STXBP4: variants seen among roughly 807,000 people sequenced by gnomAD.
STXBP4 encodes the protein syntaxin-binding protein 4.
STXBP4 carries 55 observed loss-of-function variants against 76.1 expected under a neutral mutation model. That is an observed-to-expected ratio of 0.72 (90% CI 0.58 to 0.91). The LOEUF is 0.91. Among genes scored for constraint, STXBP4 ranks in the 40% least tolerant of loss-of-function variants. STXBP4 has a pLI of 0.00. For synonymous variants in STXBP4, 201 were observed against 220.2 expected (o/e 0.91, Z 0.77); for missense variants, 618 against 636.9 (o/e 0.97, Z 0.32).
chr17:55,044,235 TA>T (rs2078753985), intron 11 of STXBP4: 2 of 152,098 alleles, frequency 1.3e-5, no homozygotes, highest in Admixed American at 6.6e-5. Flanking sequence ...TATAGAAAGC[TA>T]TATTTTCCAA....
intron 16 of STXBP4, among the ~76,000 whole-genome samples, chr17:55,112,293 T>C (rs778055022): frequency 3.3e-5 from 5 of 152,172 alleles, no homozygotes; most frequent in Non-Finnish European, 5.9e-5. Context: ...TTCTTGATCT[T>C]ATTTTTCTAA....
the STXBP4 span, among the ~76,000 whole-genome samples, chr17:55,200,407 A>G: frequency 6.6e-6 from 1 of 152,230 alleles, no homozygotes; most frequent in Non-Finnish European, 1.5e-5. Flanking sequence ...GGAAGTGGAA[A>G]CTTTCAAGGG....
At chr17:55,026,382 C>G (rs1385938176) in intron 8 of STXBP4, among the ~76,000 whole-genome samples, 1 of 152,112 alleles carries the variant, frequency 6.6e-6, no homozygotes, top group Non-Finnish European at 1.5e-5. Flanking sequence ...TATTAGCATG[C>G]CTGTCCTCCT....
At chr17:55,210,602 A>G in the STXBP4 span, among the ~76,000 whole-genome samples, 3 of 152,246 alleles carry the variant, frequency 2.0e-5, no homozygotes, top group Admixed American at 6.5e-5. Context: ...GTATAAAATC[A>G]TAAAATTAGA....
intron 10 of STXBP4, among the ~76,000 whole-genome samples, chr17:55,034,984 T>C (rs2078573335): frequency 6.6e-6 from 1 of 152,056 alleles, no homozygotes; most frequent in African/African-American, 2.4e-5. Flanking sequence ...ATTTATGTTC[T>C]ATATAATTTG....
Position 54,999,747 on chromosome 17 carries a change from T to C in STXBP4, c.403T>C (p.Ser135Pro). The C allele has an allele frequency of 6.2e-7, 1 of 1,613,666 alleles. No homozygotes were observed. Among genetic ancestry groups the C allele is most frequent in the Non-Finnish European group, 8.5e-7 (1 of 1,179,760 alleles). Residue 135 changes from serine (S) to proline (P), a missense_variant, in exon 6 of 18, where the codon TCA becomes CCA. Transcript: ENST00000376352. ...EASGEYGPQA[S>P]TLSLFSSPPE... Reference sequence around the variant, plus strand: ...TTCAGGAGAATATGGACCTCAAGCCTCAACATTAAGTCTTTTTTCTTCTCC... The same window carrying C: ...TTCAGGAGAATATGGACCTCAAGCCCCAACATTAAGTCTTTTTTCTTCTCC...
At chr17:55,021,867 T>G (rs1421207011) in intron 8 of STXBP4, among the ~76,000 whole-genome samples, 1 of 152,196 alleles carries the variant, frequency 6.6e-6, no homozygotes, top group East Asian at 1.9e-4. Flanking sequence ...TCACAATATG[T>G]ATCAAAATTT....
intron 11 of STXBP4, among the ~76,000 whole-genome samples, chr17:55,045,732 C>T (rs1177509616): frequency 6.6e-6 from 1 of 151,986 alleles, no homozygotes; most frequent in African/African-American, 2.4e-5. Flanking sequence ...GAATATGGTA[C>T]AAAAATTCCA....
chr17:55,141,504 A>G, intron 17 of STXBP4, 137 bp downstream of exon 17: 1 of 615,926 alleles, frequency 1.6e-6, no homozygotes, highest in Non-Finnish European at 2.6e-6. Context: ...AAGCCTCACC[A>G]TTTTCGTTTC....
intron 1 of STXBP4, among the ~76,000 whole-genome samples, chr17:54,984,630 A>T (rs1315683422): frequency 6.6e-6 from 1 of 151,980 alleles, no homozygotes; most frequent in Non-Finnish European, 1.5e-5. Flanking sequence ...GGCGTGAACC[A>T]CCGCACCCGG....
At chr17:55,176,576 G>A (rs2080431739), downstream of STXBP4, among the ~76,000 whole-genome samples, 1 of 152,218 alleles carries the variant, frequency 6.6e-6, no homozygotes, top group Non-Finnish European at 1.5e-5. Flanking sequence ...TCCCCTAAGA[G>A]TAAGGGTGAG....
intron 8 of STXBP4, among the ~76,000 whole-genome samples, chr17:55,011,975 T>A (rs1245135648): frequency 6.6e-6 from 1 of 152,156 alleles, no homozygotes; most frequent in Non-Finnish European, 1.5e-5. Flanking sequence ...GCCTTCGATG[T>A]CATTAACATC....
At chr17:55,212,097 G>A in the STXBP4 span, among the ~76,000 whole-genome samples, 880 of 151,870 alleles carry the variant, frequency 5.8e-3, 12 homozygotes, top group African/African-American at 0.02. Context: ...TGGGATTACC[G>A]GCATGAGCCA....
intron 16 of STXBP4, among the ~76,000 whole-genome samples, chr17:55,092,413 T>A (rs2079427012): frequency 6.6e-6 from 1 of 152,260 alleles, no homozygotes; most frequent in African/African-American, 2.4e-5. Context: ...GATTATGATT[T>A]TGTATTTTAT....
At chr17:55,097,434 C>G (rs572196427) in intron 16 of STXBP4, among the ~76,000 whole-genome samples, 1 of 152,100 alleles carries the variant, frequency 6.6e-6, no homozygotes, top group Non-Finnish European at 1.5e-5. Flanking sequence ...GGGGCCAAGG[C>G]GGGCGGATCA....
intron 16 of STXBP4, among the ~76,000 whole-genome samples, chr17:55,131,970 G>C (rs1436357658): frequency 6.6e-6 from 1 of 151,936 alleles, no homozygotes; most frequent in Non-Finnish European, 1.5e-5. Context: ...TGATCTACCT[G>C]CCTCAACTTC....
chr17:55,078,542 G>T (rs2079216568), intron 14 of STXBP4, 144 bp from the exon 15 acceptor site: 9 of 592,240 alleles, frequency 1.5e-5, no homozygotes, highest in Non-Finnish European at 2.7e-5. Context: ...CTGCATGTTA[G>T]TTCAATTGTT....
At chr17:55,007,630 A>G in intron 8 of STXBP4, 33 bp downstream of exon 8, 1 of 1,533,724 alleles carries the variant, frequency 6.5e-7, no homozygotes, top group Admixed American at 1.8e-5. Flanking sequence ...TTTCTTCCAT[A>G]AGACAAAAAC....
intron 16 of STXBP4, among the ~76,000 whole-genome samples, chr17:55,099,875 G>T (rs1041518476): frequency 6.6e-6 from 1 of 152,090 alleles, no homozygotes; most frequent in Non-Finnish European, 1.5e-5. Context: ...GAGACTTTCT[G>T]ATTAAAATAT....
Sources: gnomAD v4.1 joint callset for allele counts (sites outside exome capture counted in the v4.1 genomes callset) on GRCh38, gnomAD v4.1.1 for gene constraint, MANE v1.5 for transcripts, NCBI Gene and HGNC (gene_info 2026-07-23, HGNC 2026-07-21) for gene names.